Variants in TFEC observed in about 807,000 individuals in gnomAD.
TFEC encodes transcription factor EC, also known as class E basic helix-loop-helix protein 34.
Under a neutral mutation model 41.6 loss-of-function variants are expected in TFEC, and 31 were observed. The ratio of observed to expected loss-of-function variants is 0.74; its 90% CI spans 0.56 to 1.01. The LOEUF (loss-of-function observed/expected upper bound fraction) is 1.01. TFEC is among the 50% of genes least tolerant of loss of function. The probability of loss-of-function intolerance (pLI) is 0.00; values close to 1 mark genes in which losing one functional copy is unlikely to be tolerated. For missense variants in TFEC, 402 were observed against 404.1 expected (o/e 0.99, Z 0.04); for synonymous variants, 143 against 140.6 (o/e 1.02, Z -0.12).
chr7:116,110,095 AG>A (rs1158611548), intron 3 of TFEC, among the ~76,000 whole-genome samples: 1 of 152,130 alleles, frequency 6.6e-6, no homozygotes, highest in African/African-American at 2.4e-5. Flanking sequence ...GGGAAGGGGG[AG>A]GGATAGCATT....
chr7:116,035,640 C>T (rs187085465), upstream of TFEC, among the ~76,000 whole-genome samples: 25 of 151,890 alleles, frequency 1.6e-4, no homozygotes, highest in Admixed American at 7.9e-4. Flanking sequence ...ATTAAACACA[C>T]GATAAGACTA....
At position 116,073,603 on chromosome 7, in the gene TFEC, A is replaced by G. The variant is rs186041992; in HGVS notation, c.198+37105T>C. Among the ~76,000 whole-genome samples, 55 of 152,070 alleles carry G rather than the reference A, an allele frequency of 3.6e-4. No homozygotes were observed. The East Asian group carries it at 5.0e-3, about 14-fold the overall frequency. ...AGTGAACTCTCCACCAAGATTTGAG[A>G]AAGTTTTTTTGCATAAATTGACAAG... On this transcript the variant is annotated intron_variant, in intron 3 of 8. Coordinates refer to the TFEC transcript ENST00000484212.
chr7:116,024,018 C>T (rs1237247736), intron 1 of TFEC, among the ~76,000 whole-genome samples: 17 of 152,112 alleles, frequency 1.1e-4, no homozygotes, highest in Non-Finnish European at 1.5e-5. Context: ...TGACCTTTCT[C>T]TGACCAAACT....
At position 115,992,639 on chromosome 7, in the gene TFEC, C is replaced by T. The variant is rs371814136; in HGVS notation, c.-72-8126G>A. 2.9e-4 allele frequency among the ~76,000 whole-genome samples: 44 copies of T among 152,206 alleles called. 2 individuals are homozygous for T. The East Asian group carries it at 5.6e-3, about 19-fold the overall frequency. ...TAAATTCCTGGATACATACAACCTC[C>T]CAAGACTAAACCAGGAAGAAGTTGA... On this transcript the variant is annotated intron_variant, in intron 1 of 7. Transcript: ENST00000265440.
intron 6 of TFEC, among the ~76,000 whole-genome samples, chr7:115,948,442 A>C (rs1220362550): frequency 1.3e-5 from 2 of 152,204 alleles, no homozygotes; most frequent in Non-Finnish European, 2.9e-5. Flanking sequence ...TGATGCAAAA[A>C]TCCTCAATAA....
intron 1 of TFEC, among the ~76,000 whole-genome samples, chr7:116,112,515 T>C (rs973938097): frequency 6.6e-6 from 1 of 151,990 alleles, no homozygotes. Flanking sequence ...TAATTGGTTG[T>C]TTGGCTAACT....
At chr7:116,031,824 T>C (rs1795791170), upstream of TFEC, among the ~76,000 whole-genome samples, 1 of 152,140 alleles carries the variant, frequency 6.6e-6, no homozygotes. Flanking sequence ...TTGAGTCACC[T>C]TACCTTTTCT....
intron 1 of TFEC, among the ~76,000 whole-genome samples, chr7:116,023,492 A>G (rs577100097): frequency 1.5e-3 from 222 of 152,282 alleles, no homozygotes; most frequent in African/African-American, 5.2e-3. Flanking sequence ...ATAGAGATAG[A>G]ACTCTTTTAC....
intron 1 of TFEC, among the ~76,000 whole-genome samples, chr7:116,005,240 TG>T (rs1192878712): frequency 8.5e-5 from 13 of 152,278 alleles, no homozygotes; most frequent in African/African-American, 2.9e-4. Flanking sequence ...ACTTTGGAAC[TG>T]GGTGACAGGT....
intron 1 of TFEC, among the ~76,000 whole-genome samples, chr7:116,011,493 C>T (rs184010701): frequency 6.6e-6 from 1 of 152,166 alleles, no homozygotes; most frequent in Admixed American, 6.5e-5. Flanking sequence ...TGATTGTATG[C>T]TATCTATTGA....
At chr7:116,143,938 C>T (rs1314662782) in intron 1 of TFEC, among the ~76,000 whole-genome samples, 5 of 152,066 alleles carry the variant, frequency 3.3e-5, no homozygotes, top group African/African-American at 7.2e-5. Flanking sequence ...GGTAGAGCCT[C>T]GCCGAGCGCG....
At position 116,125,693 on chromosome 7, in the gene TFEC, T is replaced by C. The variant is rs530785585; in HGVS notation, c.-68-13655A>G. On this transcript the variant is annotated intron_variant, in intron 1 of 8. Transcript: ENST00000484212. ...CTGAGACTTGGTTGATTCAATTAAATATAAAGAGCTATCAAGGATGAACTC... is the reference window on the plus strand; with the variant it reads ...CTGAGACTTGGTTGATTCAATTAAACATAAAGAGCTATCAAGGATGAACTC... Among the ~76,000 whole-genome samples, 86 of 152,132 alleles carry C rather than the reference T, an allele frequency of 5.7e-4. 1 individual carries two copies. The South Asian group carries it at 0.017, about 31-fold the overall frequency.
intron 2 of TFEC, among the ~76,000 whole-genome samples, chr7:115,975,887 C>T (rs983159077): frequency 7.2e-5 from 11 of 151,980 alleles, no homozygotes; most frequent in African/African-American, 1.4e-4. Context: ...GAGCAGAGTG[C>T]GCAAAGGCAA....
intron 1 of TFEC, among the ~76,000 whole-genome samples, chr7:116,010,262 GA>G (rs1284282406): frequency 6.6e-6 from 1 of 152,122 alleles, no homozygotes; most frequent in African/African-American, 2.4e-5. Context: ...AGTTTATTCA[GA>G]TAAATGCTGA....
intron 1 of TFEC, among the ~76,000 whole-genome samples, chr7:116,120,713 A>G (rs1359432726): frequency 1.3e-5 from 2 of 151,986 alleles, no homozygotes; most frequent in South Asian, 4.1e-4. Context: ...ATAGTGCTTA[A>G]TGTACTGCTG....
At chr7:115,977,776 A>C (rs1337753042) in intron 2 of TFEC, among the ~76,000 whole-genome samples, 2 of 152,076 alleles carry the variant, frequency 1.3e-5, no homozygotes, top group African/African-American at 4.8e-5. Flanking sequence ...CATGAATTCT[A>C]TACATAGATA....
intron 3 of TFEC, among the ~76,000 whole-genome samples, chr7:116,037,568 C>T (rs905362549): frequency 1.3e-5 from 2 of 151,816 alleles, no homozygotes; most frequent in Admixed American, 6.6e-5. Context: ...TTGAGAAATG[C>T]GGAAGAAATT....
chr7:116,145,044 C>CA (rs1437411509), intron 1 of TFEC, among the ~76,000 whole-genome samples: 4 of 152,028 alleles, frequency 2.6e-5, no homozygotes, highest in African/African-American at 9.7e-5. Flanking sequence ...CCAACTGTAG[C>CA]AAAAAAGTAA....
intron 3 of TFEC, among the ~76,000 whole-genome samples, chr7:116,108,626 G>A (rs1797775139): frequency 1.3e-5 from 2 of 151,980 alleles, no homozygotes; most frequent in Admixed American, 6.6e-5. Context: ...TTCCAATCTT[G>A]CTTCTGCCAC....
Sources: allele counts gnomAD v4.1 joint callset (sites outside exome capture counted in the v4.1 genomes callset), GRCh38; gene constraint gnomAD v4.1.1; transcripts MANE v1.5; gene names NCBI Gene and HGNC (gene_info 2026-07-23, HGNC 2026-07-21).